Variants in KCTD5 observed in about 807,000 individuals in gnomAD.
The protein encoded by KCTD5 is potassium channel tetramerization domain containing 5.
KCTD5 carries 12 observed loss-of-function variants against 27.9 expected under a neutral mutation model. The ratio of observed to expected loss-of-function variants is 0.43; its 90% CI spans 0.28 to 0.70. KCTD5 has a LOEUF of 0.70. Ranked by LOEUF, KCTD5 falls within the 30% of genes least tolerant of loss-of-function variation. KCTD5 has a pLI of 0.19. For missense variants in KCTD5, 226 were observed against 274.8 expected (o/e 0.82, Z 1.26); for synonymous variants, 147 against 121.4 (o/e 1.21, Z -1.39).
At chr16:2,685,192 G>A (rs1449193701) in intron 1 of KCTD5, among the ~76,000 whole-genome samples, 1 of 152,034 alleles carries the variant, frequency 6.6e-6, no homozygotes, top group African/African-American at 2.4e-5. Context: ...TTGGGAGGCC[G>A]AGGCGCGTGA....
chr16:2,687,382 G>T (rs1313432912), intron 1 of KCTD5, among the ~76,000 whole-genome samples: 1 of 152,252 alleles, frequency 6.6e-6, no homozygotes, highest in East Asian at 1.9e-4. Flanking sequence ...GGGTGGCTGG[G>T]AGGAAATGCT....
intron 1 of KCTD5, among the ~76,000 whole-genome samples, chr16:2,691,671 C>T (rs57515743): frequency 0.021 from 3,187 of 152,156 alleles, 128 homozygotes; most frequent in African/African-American, 0.072. Flanking sequence ...ACTGGGGCGG[C>T]GGGGGTGTGG....
chr16:2,688,397 C>G (rs1290335924), intron 1 of KCTD5, among the ~76,000 whole-genome samples: 2 of 151,682 alleles, frequency 1.3e-5, no homozygotes, highest in East Asian at 3.9e-4. Flanking sequence ...ATTACAGGCA[C>G]GAGCCACCAT....
intron 5 of KCTD5, 22 bp from the exon 6 acceptor site, chr16:2,707,276 T>C: frequency 1.2e-6 from 2 of 1,612,088 alleles, no homozygotes; most frequent in Non-Finnish European, 1.7e-6. Flanking sequence ...AGTCCTCATT[T>C]TATGCATTTG....
chr16:2,694,069 C>T (rs1194848834), intron 1 of KCTD5, among the ~76,000 whole-genome samples: 8 of 131,552 alleles, frequency 6.1e-5, no homozygotes, highest in Admixed American at 1.6e-4. Flanking sequence ...GGACGTCACG[C>T]GGCCAGCATT....
chr16:2,691,073 C>CTGGGGG (rs2067564534), intron 1 of KCTD5, among the ~76,000 whole-genome samples: 6 of 152,234 alleles, frequency 3.9e-5, no homozygotes, highest in Admixed American at 2.0e-4. Flanking sequence ...CTCACCCGAG[C>CTGGGGG]TGGGAGCACC....
intron 4 of KCTD5, among the ~76,000 whole-genome samples, chr16:2,700,288 C>T (rs1040045552): frequency 4.6e-5 from 7 of 152,260 alleles, no homozygotes; most frequent in African/African-American, 1.2e-4. Context: ...CTCACTCCAT[C>T]GGAGCATATG....
Position 2,687,715 on chromosome 16 carries a change from T to G in KCTD5, c.252+4915T>G, listed in dbSNP as rs1265685187. ...ATCCCAGGGACTCCTTTTCAGACAC[T>G]TGTAGGCACTTTGGTTCTTTTAGCA... On this transcript the variant is annotated intron_variant, in intron 1 of 5. Transcript: ENST00000301738. Among the ~76,000 whole-genome samples the G allele has an allele frequency of 2.0e-5, 3 of 152,000 alleles. No homozygotes were observed. In the East Asian group the frequency reaches 5.8e-4, roughly 29 times the overall value.
Position 2,682,560 on chromosome 16 carries a change from T to C in KCTD5, c.12T>C (p.Asn4=). ...GGCTTGCTGGGATCATGGCGGAGAA[T>C]CACTGCGAGCTCCTGTCGCCGGCCC... MAE[N]HCELLSPARG... Residue 4 remains asparagine, a synonymous_variant, in exon 1 of 6, where the codon AAT becomes AAC. Transcript: ENST00000301738. The C allele has an allele frequency of 7.1e-7, 1 of 1,408,668 alleles. No individual in the cohort carries two copies. Among genetic ancestry groups the C allele is most frequent in the Non-Finnish European group, 9.2e-7 (1 of 1,084,786 alleles). 87.3% of individuals were successfully genotyped at this position (1,408,668 alleles called of 1,614,324 possible). A position where few individuals can be genotyped will look rare whatever the true frequency, so the allele number is the denominator to read the frequency against.
At chr16:2,685,366 A>C (rs1363263688) in intron 1 of KCTD5, among the ~76,000 whole-genome samples, 1 of 152,132 alleles carries the variant, frequency 6.6e-6, no homozygotes, top group African/African-American at 2.4e-5. Context: ...GGCAGAGGTT[A>C]CAGTGGGCTG....
intron 1 of KCTD5, among the ~76,000 whole-genome samples, chr16:2,689,588 G>A (rs1161461025): frequency 2.0e-5 from 3 of 149,540 alleles, no homozygotes; most frequent in Non-Finnish European, 3.0e-5. Flanking sequence ...TGGGAGCTGC[G>A]GGAGGGTTGG....
Position 2,698,809 on chromosome 16 carries a change from A to C in KCTD5, c.453+812A>C, listed in dbSNP as rs1401935352. Among the ~76,000 whole-genome samples the C allele has an allele frequency of 2.6e-5, 4 of 152,138 alleles. No homozygotes were observed. The South Asian group carries it at 6.2e-4, about 24-fold the overall frequency. On this transcript the variant is annotated intron_variant, in intron 3 of 5. Transcript: ENST00000301738. ...CCCTTGGTGCCACTGAGGGATCTGG[A>C]GGGGCTCCTTGTCTGTGGGGCAGGA...
rs186256452 is a variant in KCTD5, at chr16:2,699,285, T to C, written c.454-536T>C. On this transcript the variant is annotated intron_variant, in intron 3 of 5. Coordinates refer to ENST00000301738, the MANE Select transcript of KCTD5 (RefSeq NM_018992.4). Reference sequence around the variant, plus strand: ...CATCACTCCCAGGACCACAGCTGCCTGGAGGGGCACAGCAAGCGTGCCAGG... The same window carrying C: ...CATCACTCCCAGGACCACAGCTGCCCGGAGGGGCACAGCAAGCGTGCCAGG... The C allele has an allele frequency of 1.0e-3, 463 of 451,330 alleles. 1 individual carries two copies. Among genetic ancestry groups the C allele is most frequent in the Non-Finnish European group, 1.7e-3 (379 of 223,644 alleles). The allele number at this position is 451,330 out of a possible 1,614,324, so 28.0% of individuals were successfully genotyped here.
At chr16:2,692,433 C>T (rs1247273439) in intron 1 of KCTD5, among the ~76,000 whole-genome samples, 1 of 152,152 alleles carries the variant, frequency 6.6e-6, no homozygotes, top group Non-Finnish European at 1.5e-5. Context: ...AGAAGCGGCC[C>T]CGGACTGGCT....
intron 1 of KCTD5, among the ~76,000 whole-genome samples, chr16:2,690,827 T>A (rs2067563213): frequency 1.3e-5 from 2 of 152,284 alleles, no homozygotes; most frequent in African/African-American, 4.8e-5. Context: ...GTGACCTTGC[T>A]GCCTTTGTCT....
chr16:2,687,921 A>G (rs2067547658), intron 1 of KCTD5, among the ~76,000 whole-genome samples: 1 of 152,044 alleles, frequency 6.6e-6, no homozygotes, highest in African/African-American at 2.4e-5. Context: ...TGGACTGCAG[A>G]ATGTCTAGAA....
At position 2,702,467 on chromosome 16, in the gene KCTD5, G is replaced by A. The variant is rs1437912413; in HGVS notation, c.664G>A (p.Glu222Lys). ...GTACGGTACGGCCAGCGAGCCCAGCGAGAAGGCCAAGGTGAGTGCTGGGCC... is the reference window on the plus strand; with the variant it reads ...GTACGGTACGGCCAGCGAGCCCAGCAAGAAGGCCAAGGTGAGTGCTGGGCC... Reference protein sequence around the residue: ...TPYGTASEPSEKAKILQERGS... With the variant: ...TPYGTASEPSKKAKILQERGS... The change falls in exon 5 of 6, where the codon GAG (glutamate) becomes AAG (lysine). Residue 222 changes from glutamate to lysine, a missense_variant. Physicochemically the swap from Glu to Lys is moderately conservative, Grantham distance 56 (BLOSUM62 1). This residue lies in a region of KCTD5 where 135 missense variants were observed against 207.0 expected (regional missense o/e 0.65). Coordinates refer to ENST00000301738, the MANE Select transcript of KCTD5 (RefSeq NM_018992.4). 1.2e-6 allele frequency: 2 copies of A among 1,613,170 alleles called. No individual in the cohort carries two copies. The highest frequency in any genetic ancestry group is 1.1e-5 in the South Asian group (1 of 91,076).
intron 1 of KCTD5, among the ~76,000 whole-genome samples, chr16:2,690,765 G>T (rs1001631594): frequency 6.6e-6 from 1 of 152,260 alleles, no homozygotes; most frequent in African/African-American, 2.4e-5. Context: ...CTTACGGGCA[G>T]CACAGGGGCC....
chr16:2,701,087 T>C (rs2142058176), intron 4 of KCTD5, among the ~76,000 whole-genome samples: 1 of 152,330 alleles, frequency 6.6e-6, no homozygotes, highest in East Asian at 1.9e-4. Flanking sequence ...TGTCCCCATG[T>C]GGCACCTGTG....
Sources: gnomAD v4.1 joint callset for allele counts (sites outside exome capture counted in the v4.1 genomes callset) on GRCh38, gnomAD v4.1.1 for gene constraint, gnomAD v4.1.1 regional missense constraint, MANE v1.5 for transcripts, NCBI Gene and HGNC (gene_info 2026-07-23, HGNC 2026-07-21) for gene names.